STPG2: variants seen among roughly 807,000 people sequenced by gnomAD.
The protein encoded by STPG2 is sperm tail PG-rich repeat containing 2.
A neutral mutation model predicts 54.2 loss-of-function variants in STPG2; 56 were observed. That is an observed-to-expected ratio of 1.03 (90% CI 0.83 to 1.29). The LOEUF (loss-of-function observed/expected upper bound fraction) is 1.29. Among genes scored for constraint, STPG2 ranks in the 50% most tolerant of loss-of-function variants. The pLI is 0.00. For synonymous variants in STPG2, 200 were observed against 181.8 expected, an observed-to-expected ratio of 1.10 and a Z score of -0.81; for missense variants, 596 against 544.9, an observed-to-expected ratio of 1.09 and a Z score of -0.93.
rs970015401 is a variant in STPG2 at position 97,593,147 on chromosome 4, C to T, written c.1321-34030G>A. 2.6e-5 allele frequency among the ~76,000 whole-genome samples: 4 copies of T among 152,234 alleles called. No homozygotes were observed. In the East Asian group the frequency reaches 5.8e-4, roughly 22 times the overall value. On this transcript the variant is annotated intron_variant, in intron 10 of 10. Coordinates refer to ENST00000295268, the MANE Select transcript of STPG2 (RefSeq NM_174952.3). The stretch of plus-strand genomic sequence containing the variant: ...TCAGATGCCCAACTAGGGTGCTTCC[C>T]AGGAGTCCTCATCATAGCTCCTTCA...
intron 9 of STPG2, among the ~76,000 whole-genome samples, chr4:97,795,180 C>CT (rs749821550): frequency 1.3e-5 from 2 of 151,918 alleles, no homozygotes; most frequent in Admixed American, 6.6e-5. Context: ...TGTGTTTCTA[C>CT]TTTTTTTATT....
chr4:97,566,959 C>G (rs1201500127), intron 10 of STPG2, among the ~76,000 whole-genome samples: 1 of 151,476 alleles, frequency 6.6e-6, no homozygotes. Context: ...GCGCAGCACA[C>G]CAGCATGGTA....
chr4:97,944,994 G>A (rs1235251709), intron 7 of STPG2, among the ~76,000 whole-genome samples: 6 of 152,140 alleles, frequency 3.9e-5, no homozygotes, highest in Non-Finnish European at 1.5e-5. Flanking sequence ...GAACATCTAA[G>A]CCAGCATTAT....
chr4:98,041,216 G>A (rs1034093740), intron 5 of STPG2, among the ~76,000 whole-genome samples: 1 of 151,782 alleles, frequency 6.6e-6, no homozygotes, highest in Non-Finnish European at 1.5e-5. Flanking sequence ...TTTATCAAAT[G>A]TTAAGAGTCT....
At chr4:97,763,487 C>A (rs900355136) in intron 9 of STPG2, among the ~76,000 whole-genome samples, 6 of 152,118 alleles carry the variant, frequency 3.9e-5, no homozygotes, top group Non-Finnish European at 8.8e-5. Context: ...TACTGGATTT[C>A]AGCACAAATT....
At chr4:97,934,396 T>A (rs987729578) in intron 8 of STPG2, among the ~76,000 whole-genome samples, 1 of 152,186 alleles carries the variant, frequency 6.6e-6, no homozygotes, top group Non-Finnish European at 1.5e-5. Flanking sequence ...TCAAATACTA[T>A]GTTGAAAAGG....
chr4:97,453,762 G>A (rs575129432), intron 4 of STPG2, among the ~76,000 whole-genome samples: 77 of 152,162 alleles, frequency 5.1e-4, no homozygotes, highest in South Asian at 1.0e-3. Flanking sequence ...ACTGGAGTCC[G>A]ACTAGTATTG....
intron 4 of STPG2, among the ~76,000 whole-genome samples, chr4:97,447,822 C>G (rs565018657): frequency 1.3e-5 from 2 of 152,308 alleles, no homozygotes; most frequent in South Asian, 4.1e-4. Flanking sequence ...TTGGAGCCCC[C>G]TCACAGAGTC....
At chr4:97,979,639 T>C (rs1430677634) in intron 6 of STPG2, among the ~76,000 whole-genome samples, 1 of 151,950 alleles carries the variant, frequency 6.6e-6, no homozygotes, top group African/African-American at 2.4e-5. Context: ...GTAATCCCAA[T>C]ACTTTGAGAG....
rs185637490 is a variant in STPG2 at position 97,759,550 on chromosome 4, C to T, written c.1205-46736G>A. On this transcript the variant is annotated intron_variant, in intron 9 of 10. Transcript: ENST00000295268. ...CAGAAAGAATGTAAGCCATCAAGAA[C>T]TTTTAGCAATATTGCAAGGTCAGGA... 2.0e-3 allele frequency among the ~76,000 whole-genome samples: 311 copies of T among 152,122 alleles called. 3 individuals are homozygous for T. In the Middle Eastern group the frequency reaches 0.027, roughly 13 times the overall value.
intron 4 of STPG2, among the ~76,000 whole-genome samples, chr4:97,538,019 A>G (rs1206270897): frequency 6.6e-6 from 1 of 152,216 alleles, no homozygotes; most frequent in African/African-American, 2.4e-5. Flanking sequence ...AACACAAAGG[A>G]CATCCACACC....
chr4:97,831,865 G>T (rs1474508476), intron 9 of STPG2, among the ~76,000 whole-genome samples: 5 of 152,194 alleles, frequency 3.3e-5, no homozygotes, highest in African/African-American at 9.7e-5. Flanking sequence ...TTCTGAAATT[G>T]AGGCAGCAAT....
intron 3 of STPG2, among the ~76,000 whole-genome samples, chr4:98,124,305 T>C (rs559877258): frequency 4.6e-5 from 7 of 152,322 alleles, no homozygotes; most frequent in African/African-American, 1.7e-4. Flanking sequence ...GTTTGTGTAG[T>C]GGCCAGTAAC....
At chr4:97,903,137 C>A (rs1731243471) in intron 8 of STPG2, among the ~76,000 whole-genome samples, 1 of 152,090 alleles carries the variant, frequency 6.6e-6, no homozygotes. Flanking sequence ...TGGACACCTA[C>A]CGCACAGCAT....
chr4:97,748,982 T>C (rs1725500622), intron 9 of STPG2, among the ~76,000 whole-genome samples: 1 of 151,602 alleles, frequency 6.6e-6, no homozygotes, highest in Non-Finnish European at 1.5e-5. Flanking sequence ...GAATTTCATA[T>C]ACACCCTGGG....
chr4:97,637,229 C>G (rs1254005702), intron 10 of STPG2, among the ~76,000 whole-genome samples: 1 of 152,126 alleles, frequency 6.6e-6, no homozygotes, highest in Non-Finnish European at 1.5e-5. Flanking sequence ...TAAACAGAGC[C>G]AAAGACAAAA....
At chr4:98,016,194 C>A (rs1347225533) in intron 5 of STPG2, among the ~76,000 whole-genome samples, 1 of 152,138 alleles carries the variant, frequency 6.6e-6, no homozygotes, top group African/African-American at 2.4e-5. Flanking sequence ...TATCCCAGAA[C>A]TTAAAGTACA....
chr4:97,559,966 C>G (rs1355814753), intron 10 of STPG2, among the ~76,000 whole-genome samples: 2 of 152,160 alleles, frequency 1.3e-5, no homozygotes, highest in Non-Finnish European at 2.9e-5. Flanking sequence ...TGATGCAAGT[C>G]ATTTGTCCTC....
chr4:98,078,958 AT>A (rs1738256055), intron 5 of STPG2, among the ~76,000 whole-genome samples: 2 of 152,194 alleles, frequency 1.3e-5, no homozygotes, highest in Admixed American at 1.3e-4. Context: ...AGAAGCACGA[AT>A]AATAACCATA....
Sources: allele counts gnomAD v4.1 joint callset (sites outside exome capture counted in the v4.1 genomes callset), GRCh38; gene constraint gnomAD v4.1.1; transcripts MANE v1.5; gene names NCBI Gene and HGNC (gene_info 2026-07-23, HGNC 2026-07-21).